The following SYNJ2 variants were observed in gnomAD, a reference collection of about 807,000 sequenced individuals.
SYNJ2 encodes the protein polyphosphatidylinositol phosphatase SYNJ2.
A neutral mutation model predicts 141.3 loss-of-function variants in SYNJ2; 116 were observed. The ratio of observed to expected loss-of-function variants is 0.82; its 90% CI spans 0.71 to 0.96. The LOEUF is 0.96. Ranked by LOEUF, SYNJ2 falls within the 40% of genes least tolerant of loss-of-function variation. The probability of loss-of-function intolerance (pLI) is 0.00; values close to 1 mark genes in which losing one functional copy is unlikely to be tolerated. For missense variants in SYNJ2, 1,873 were observed against 1,934.8 expected, an observed-to-expected ratio of 0.97 and a Z score of 0.60; for synonymous variants, 745 against 777.7, an observed-to-expected ratio of 0.96 and a Z score of 0.70.
Position 158,000,064 on chromosome 6 carries a change from C to CTTTTTTTTTTT in SYNJ2, c.128-17111_128-17101dup, listed in dbSNP as rs58284240. ...GCCAGGTTCTCACCAAGCCAAAAGG[C>CTTTTTTTTTTT]TTTTTTTTTTTTTTTTTTTTTTTTT... On this transcript the variant is annotated intron_variant, in intron 1 of 26. Transcript: ENST00000355585. Among the ~76,000 whole-genome samples the CTTTTTTTTTTT allele has an allele frequency of 1.2e-4, 10 of 85,602 alleles. 1 individual carries two copies. Among genetic ancestry groups the CTTTTTTTTTTT allele is most frequent in the South Asian group, 3.5e-4 (1 of 2,898 alleles). 56.2% of individuals were successfully genotyped at this position (85,602 alleles called of 152,430 possible).
Position 158,040,058 on chromosome 6 carries a change from T to C in SYNJ2, c.712-3258T>C, listed in dbSNP as rs9457001. ...GGATCGGCTTCTTAGGAATTAATTC[T>C]CAGGAAGCCAGAAAAGGGGGACCCT... is the stretch of plus-strand genomic sequence containing the variant. On this transcript the variant is annotated intron_variant, in intron 4 of 26. Transcript: ENST00000355585. The surrounding 1 kb of genome is among the most constrained non-coding windows in gnomAD (Gnocchi z 4.2). 0.08 allele frequency among the ~76,000 whole-genome samples: 12,116 copies of C among 152,242 alleles called. 1,630 individuals are homozygous for C. Among genetic ancestry groups the C allele is most frequent in the African/African-American group, 0.28 (11,514 of 41,502 alleles).
At chr6:158,081,796 T>C (rs1341933012) in intron 20 of SYNJ2, among the ~76,000 whole-genome samples, 3 of 151,800 alleles carry the variant, frequency 2.0e-5, no homozygotes, top group Admixed American at 2.0e-4. Context: ...TAATTTTTTT[T>C]AAATTTTGTA....
At chr6:158,007,945 C>T (rs535015234) in intron 1 of SYNJ2, among the ~76,000 whole-genome samples, 144 of 152,316 alleles carry the variant, frequency 9.5e-4, no homozygotes, top group African/African-American at 3.3e-3. Context: ...CCCACCACCA[C>T]GCCTGGCTAA....
Position 158,056,899 on chromosome 6 carries a change from G to A in SYNJ2, c.857+1871G>A, listed in dbSNP as rs947407846. On this transcript the variant is annotated intron_variant, in intron 6 of 26. Transcript: ENST00000355585. Reference sequence around the variant, plus strand: ...GGTCTCTTGTCACTTTGCTGTATGTGCTCCATATCTGAGGAGGGCTGTTTG... The same window carrying A: ...GGTCTCTTGTCACTTTGCTGTATGTACTCCATATCTGAGGAGGGCTGTTTG... Among the ~76,000 whole-genome samples, 3 of 152,064 alleles carry A rather than the reference G, an allele frequency of 2.0e-5. No individual in the cohort carries two copies. The East Asian group carries it at 5.8e-4, about 29-fold the overall frequency.
chr6:158,035,437 C>A (rs150235756), intron 4 of SYNJ2, among the ~76,000 whole-genome samples: 105 of 152,256 alleles, frequency 6.9e-4, no homozygotes, highest in African/African-American at 2.5e-3. Context: ...CTTCTCACAG[C>A]AGTTGTGAAT....
chr6:158,084,102 G>T lies in SYNJ2; in HGVS notation c.3136G>T (p.Gly1046Cys). 1 of 1,614,104 alleles carries T rather than the reference G, an allele frequency of 6.2e-7. No homozygotes were observed. The highest frequency in any genetic ancestry group is 8.5e-7 in the Non-Finnish European group (1 of 1,180,000). ...LGGDDLSDVP[G>C]PTALAPPSKS... ...GGGAGACGACCTCTCTGATGTCCCC[G>T]GCCCCACAGCACTGGCTCCTCCCAG... Residue 1046 changes from glycine (G) to cysteine (C), a missense_variant, in exon 22 of 27, where the codon GGC becomes TGC. Coordinates refer to ENST00000355585, the MANE Select transcript of SYNJ2 (RefSeq NM_003898.4). This position sits in a 1 kb window ranked among gnomAD's most constrained non-coding sequence, Gnocchi z 5.0.
In SYNJ2 at chr6:158,062,045, C is replaced by T. The variant is rs988943384; in HGVS notation, c.1008C>T (p.Asp336=). The T allele has an allele frequency of 2.8e-5, 45 of 1,614,066 alleles. No homozygotes were observed. Among genetic ancestry groups the T allele is most frequent in the Non-Finnish European group, 3.5e-5 (41 of 1,180,048 alleles). ...GCGACACGCCTATGATCAATTTTGA[C>T]TTCCATCAGTTTGCCAAAGGTGGGA... ...HAGDTPMINF[D]FHQFAKGGKL... is the part of the protein sequence containing the mutation. Residue 336 remains aspartate (D), a synonymous_variant, in exon 8 of 27, where the codon GAC becomes GAT. Transcript: ENST00000355585.
chr6:157,988,160 C>G (rs566077964), intron 1 of SYNJ2, among the ~76,000 whole-genome samples: 38 of 152,376 alleles, frequency 2.5e-4, no homozygotes, highest in African/African-American at 9.1e-4. Context: ...ATGTCCACCC[C>G]AGGCCCGGGC....
chr6:158,056,229 T>C (rs981699202), intron 6 of SYNJ2, among the ~76,000 whole-genome samples: 2 of 152,224 alleles, frequency 1.3e-5, no homozygotes, highest in African/African-American at 4.8e-5. Context: ...CACATTTGCA[T>C]AGACTGCAGA....
At chr6:158,017,111 G>T in intron 1 of SYNJ2, 93 bp from the exon 2 acceptor site, 1 of 1,506,940 alleles carries the variant, frequency 6.6e-7, no homozygotes, top group South Asian at 1.3e-5. Context: ...TTTTTGGAGT[G>T]GGTGGGAAGC....
At position 158,071,894 on chromosome 6, in the gene SYNJ2, G is replaced by A. The variant is rs1583463054; in HGVS notation, c.2133+100G>A. On this transcript the variant is annotated intron_variant, in intron 15 of 26. Transcript: ENST00000355585. The surrounding 1 kb of genome is among the most constrained non-coding windows in gnomAD (Gnocchi z 4.3). ...GGCACTGGGGACACAACCACAGGGA[G>A]GGCCCCTTCCTGGAGGGCTCAGCGC... The A allele has an allele frequency of 1.4e-6, 2 of 1,386,610 alleles. No individual in the cohort carries two copies. The highest frequency in any genetic ancestry group is 9.7e-7 in the Non-Finnish European group (1 of 1,027,396). 85.9% of individuals were successfully genotyped at this position (1,386,610 alleles called of 1,614,324 possible).
intron 26 of SYNJ2, among the ~76,000 whole-genome samples, chr6:158,093,450 C>CAA (rs397886739): frequency 3.4e-5 from 3 of 88,054 alleles, no homozygotes; most frequent in Admixed American, 9.8e-5. Flanking sequence ...AAAAAAAAAA[C>CAA]AAAAAAAAAA....
chr6:158,016,238 C>T (rs370654892), intron 1 of SYNJ2, among the ~76,000 whole-genome samples: 10 of 152,114 alleles, frequency 6.6e-5, no homozygotes, highest in African/African-American at 2.4e-4. Flanking sequence ...CTCAGCCTCC[C>T]GAGTAGCTGG....
At position 158,071,677 on chromosome 6, in the gene SYNJ2, C is replaced by T; in HGVS notation, c.2016C>T (p.Phe672=). ...AGNKGAVGIR[F]QFHSTSFCFI... is the part of the protein sequence containing the mutation. ...ACAAGGGCGCCGTCGGCATCCGCTT[C>T]CAGTTCCACAGCACCAGCTTCTGCT... The change falls in exon 15 of 27, where the codon TTC becomes TTT. Residue 672 remains phenylalanine, a synonymous_variant. Transcript: ENST00000355585. The surrounding 1 kb of genome is among the most constrained non-coding windows in gnomAD (Gnocchi z 4.3). 2 of 1,614,138 alleles carry T rather than the reference C, an allele frequency of 1.2e-6. No homozygotes were observed. The highest frequency in any genetic ancestry group is 1.3e-5 in the African/African-American group (1 of 75,068).
chr6:158,036,208 T>C (rs1310423216), intron 4 of SYNJ2, among the ~76,000 whole-genome samples: 1 of 152,180 alleles, frequency 6.6e-6, no homozygotes, highest in Admixed American at 6.5e-5. Context: ...ATGGCTATTG[T>C]TAAAAAGTCG....
At chr6:158,046,343 C>G (rs933980935) in intron 5 of SYNJ2, among the ~76,000 whole-genome samples, 21 of 152,172 alleles carry the variant, frequency 1.4e-4, no homozygotes, top group African/African-American at 4.8e-4. Context: ...TGTTTAGCCT[C>G]TAAACACCAC....
At chr6:158,047,880 C>G (rs373429799) in intron 5 of SYNJ2, among the ~76,000 whole-genome samples, 17 of 148,460 alleles carry the variant, frequency 1.1e-4, no homozygotes, top group African/African-American at 4.0e-4. Flanking sequence ...AATGATAACA[C>G]CCAGGAGATA....
chr6:157,993,547 CTT>C (rs949757038), intron 1 of SYNJ2, among the ~76,000 whole-genome samples: 2 of 151,876 alleles, frequency 1.3e-5, no homozygotes, highest in African/African-American at 4.8e-5. Context: ...AATATGATCT[CTT>C]TTGTTCATTT....
intron 12 of SYNJ2, chr6:158,067,557 TTTTG>T (rs979545245): frequency 1.2e-5 from 12 of 985,318 alleles, no homozygotes; most frequent in East Asian, 1.1e-4. Flanking sequence ...GCCTTGGTTT[TTTTG>T]TTTGTTTGTT....
Sources: allele counts gnomAD v4.1 joint callset (sites outside exome capture counted in the v4.1 genomes callset), GRCh38; gene constraint gnomAD v4.1.1; non-coding constraint Gnocchi (gnomAD v3.1); transcripts MANE v1.5; gene names NCBI Gene and HGNC (gene_info 2026-07-23, HGNC 2026-07-21).